Variants in FCER1A observed in about 807,000 individuals in gnomAD.
FCER1A encodes high affinity immunoglobulin epsilon receptor subunit alpha.
In FCER1A, 24 loss-of-function variants were observed where a neutral mutation model predicts 23.6. That is an observed-to-expected ratio of 1.02 (90% confidence interval 0.74 to 1.43). The LOEUF is 1.43. Ranked by LOEUF, FCER1A falls within the 40% of genes most tolerant of loss-of-function variation. The pLI is 0.00. For missense variants in FCER1A, 318 were observed against 294.5 expected (o/e 1.08, Z -0.58); for synonymous variants, 121 against 108.8 (o/e 1.11, Z -0.70).
the FCER1A span, among the ~76,000 whole-genome samples, chr1:159,284,611 G>A: frequency 4.6e-5 from 7 of 152,260 alleles, no homozygotes; most frequent in East Asian, 3.9e-4. Flanking sequence ...ATAATGTAAC[G>A]TAAATGACTT....
At chr1:159,285,633 C>T (rs1169034594), upstream of FCER1A, among the ~76,000 whole-genome samples, 1 of 151,692 alleles carries the variant, frequency 6.6e-6, no homozygotes, top group Non-Finnish European at 1.5e-5. Flanking sequence ...AACAAAAATA[C>T]AGGACATCCA....
upstream of FCER1A, among the ~76,000 whole-genome samples, chr1:159,288,118 T>C (rs917998988): frequency 1.3e-5 from 2 of 152,254 alleles, no homozygotes; most frequent in African/African-American, 2.4e-5. Flanking sequence ...TGCATTTTAA[T>C]ATATGAATTG....
upstream of FCER1A, among the ~76,000 whole-genome samples, chr1:159,298,669 T>C (rs1254934733): frequency 6.6e-6 from 1 of 152,208 alleles, no homozygotes; most frequent in African/African-American, 2.4e-5. Context: ...CTCCTGGCCC[T>C]AATATAGAGG....
upstream of FCER1A, among the ~76,000 whole-genome samples, chr1:159,298,556 T>C (rs1652353297): frequency 6.6e-6 from 1 of 152,192 alleles, no homozygotes; most frequent in African/African-American, 2.4e-5. Context: ...TCACTGACTT[T>C]CTTGTGAAAA....
intron 1 of FCER1A, among the ~76,000 whole-genome samples, chr1:159,295,496 A>G (rs990852936): frequency 6.6e-6 from 1 of 152,200 alleles, no homozygotes; most frequent in African/African-American, 2.4e-5. Context: ...TCTAATTAAA[A>G]AACTTACAAA....
At chr1:159,289,899 G>A (rs769610135) in intron 1 of FCER1A, 7 of 152,094 alleles carry the variant, frequency 4.6e-5, no homozygotes, top group East Asian at 1.9e-4. Flanking sequence ...ATTAGCTGTC[G>A]GCTCCTTGTT....
the FCER1A span, among the ~76,000 whole-genome samples, chr1:159,284,345 T>C: frequency 2.1e-4 from 32 of 152,326 alleles, no homozygotes; most frequent in Non-Finnish European, 3.7e-4. Flanking sequence ...CATTCTCTGA[T>C]CCTGCTGGAG....
At chr1:159,289,146 A>G (rs1158526380), upstream of FCER1A, among the ~76,000 whole-genome samples, 1 of 152,014 alleles carries the variant, frequency 6.6e-6, no homozygotes, top group Non-Finnish European at 1.5e-5. Flanking sequence ...TTTGACTTCC[A>G]CTTTCAAATC....
chr1:159,307,501 G>A (rs1236066746), intron 4 of FCER1A, among the ~76,000 whole-genome samples: 1 of 151,970 alleles, frequency 6.6e-6, no homozygotes, highest in Non-Finnish European at 1.5e-5. Flanking sequence ...TTCCCCTCTG[G>A]GCACGGCACA....
chr1:159,294,833 C>T (rs1652253831), intron 1 of FCER1A, among the ~76,000 whole-genome samples: 1 of 152,096 alleles, frequency 6.6e-6, no homozygotes, highest in Non-Finnish European at 1.5e-5. Context: ...AATTCAAGCT[C>T]AGAGATTGCC....
intron 3 of FCER1A, among the ~76,000 whole-genome samples, chr1:159,305,759 G>T (rs1309379692): frequency 6.6e-6 from 1 of 152,174 alleles, no homozygotes; most frequent in Non-Finnish European, 1.5e-5. Flanking sequence ...GGTCCGAGAG[G>T]CTTTGTGGCC....
At position 159,304,002 on chromosome 1, in the gene FCER1A, T is replaced by C. The variant is rs1015559933; in HGVS notation, c.151T>C (p.Cys51Arg). Residue 51 changes from cysteine (C) to arginine (R), a missense_variant, in exon 3 of 5, where the codon TGT becomes CGT. Cys to Arg is a radical substitution (Grantham distance 180). Coordinates refer to ENST00000693622, the MANE Select transcript of FCER1A (RefSeq NM_001387280.1). ...TAAAGGAGAGAATGTGACTCTTACA[T>C]GTAATGGGAACAATTTCTTTGAAGT... The part of the protein sequence containing the change: ...IFKGENVTLT[C>R]NGNNFFEVSS... The C allele has an allele frequency of 2.5e-6, 4 of 1,613,538 alleles. No individual in the cohort carries two copies. The highest frequency in any genetic ancestry group is 8.5e-7 in the Non-Finnish European group (1 of 1,179,540).
At position 159,307,959 on chromosome 1, in the gene FCER1A, C is replaced by A. The variant is rs1285615507; in HGVS notation, c.*27C>A. ...ATAATTACTCAAGAAATATTTGCAA[C>A]ATTAGTTTTTTTCCAGCATCAGCAA... On this transcript the variant is annotated 3_prime_UTR_variant, in exon 5 of 5. Transcript: ENST00000693622. 1.3e-6 allele frequency: 2 copies of A among 1,549,728 alleles called. No homozygotes were observed. Among genetic ancestry groups the A allele is most frequent in the South Asian group, 1.2e-5 (1 of 84,718 alleles).
At chr1:159,294,761 A>T (rs762004868) in intron 1 of FCER1A, among the ~76,000 whole-genome samples, 244 of 152,192 alleles carry the variant, frequency 1.6e-3, no homozygotes, top group Non-Finnish European at 2.5e-3. Context: ...AGTTTTAGTG[A>T]CAGAAAGATC....
At chr1:159,302,954 C>A in intron 2 of FCER1A, 80 bp downstream of exon 2, 3 of 1,312,348 alleles carry the variant, frequency 2.3e-6, no homozygotes, top group Non-Finnish European at 3.3e-6. Flanking sequence ...TTCGTCCCAT[C>A]ACTTCTGCTT....
chr1:159,296,987 C>G (rs1169341301), intron 1 of FCER1A, among the ~76,000 whole-genome samples: 1 of 152,088 alleles, frequency 6.6e-6, no homozygotes, highest in Admixed American at 6.6e-5. Context: ...CAAAAGTTGC[C>G]TATTAAAATG....
chr1:159,288,788 C>T (rs1181352351), upstream of FCER1A, among the ~76,000 whole-genome samples: 7 of 152,174 alleles, frequency 4.6e-5, no homozygotes, highest in Non-Finnish European at 7.3e-5. Flanking sequence ...CCTGTTCTCT[C>T]ATCCTTTCCT....
upstream of FCER1A, among the ~76,000 whole-genome samples, chr1:159,301,314 A>G (rs1652423903): frequency 6.6e-6 from 1 of 152,200 alleles, no homozygotes; most frequent in Non-Finnish European, 1.5e-5. Context: ...TTCCAGTATT[A>G]TCATTAATAT....
chr1:159,302,927 T>A (rs1652480545), intron 2 of FCER1A, 53 bp downstream of exon 2: 4 of 1,527,854 alleles, frequency 2.6e-6, no homozygotes, highest in Non-Finnish European at 3.6e-6. Context: ...GGGCATTGCT[T>A]TCCTCTCACT....
Sources: gnomAD v4.1 joint callset for allele counts (sites outside exome capture counted in the v4.1 genomes callset) on GRCh38, gnomAD v4.1.1 for gene constraint, MANE v1.5 for transcripts, NCBI Gene and HGNC (gene_info 2026-07-23, HGNC 2026-07-21) for gene names.